Variants in ANK3 observed in about 807,000 individuals in gnomAD.
ANK3 encodes ankyrin 3, also known as ankyrin-3.
Under a neutral mutation model 370.9 loss-of-function variants are expected in ANK3, and 57 were observed. That is an observed-to-expected ratio of 0.15 (90% CI 0.12 to 0.19). The LOEUF (loss-of-function observed/expected upper bound fraction) is 0.19. ANK3 is among the 10% of genes least tolerant of loss of function. The probability of loss-of-function intolerance (pLI) is 1.00; values close to 1 mark genes in which losing one functional copy is unlikely to be tolerated. For missense variants in ANK3, 4,439 were observed against 5,302.1 expected, an observed-to-expected ratio of 0.84 and a Z score of 5.06; for synonymous variants, 1,929 against 1,946.3, an observed-to-expected ratio of 0.99 and a Z score of 0.23.
At chr10:60,254,837 G>A (rs1371896444) in intron 7 of ANK3, among the ~76,000 whole-genome samples, 1 of 152,242 alleles carries the variant, frequency 6.6e-6, no homozygotes, top group African/African-American at 2.4e-5. Context: ...AAGCAGGTTT[G>A]TATAGGTGCT....
intron 7 of ANK3, among the ~76,000 whole-genome samples, chr10:60,254,024 G>A (rs1274415955): frequency 6.6e-6 from 1 of 152,026 alleles, no homozygotes; most frequent in Non-Finnish European, 1.5e-5. Context: ...ATGGGGATTG[G>A]TTACAAGACT....
At chr10:60,111,901 G>A in intron 26 of ANK3, 1 of 398,274 alleles carries the variant, frequency 2.5e-6, no homozygotes, top group Non-Finnish European at 4.9e-6. Context: ...TGGCATTTGT[G>A]GGACAACCTA....
At chr10:60,435,207 T>G (rs2064126922) in intron 2 of ANK3, among the ~76,000 whole-genome samples, 1 of 152,262 alleles carries the variant, frequency 6.6e-6, no homozygotes, top group Admixed American at 6.5e-5. Context: ...CTGTTTTCCT[T>G]TGTTGGTCAT....
At chr10:60,478,567 A>T (rs1462843441) in intron 2 of ANK3, among the ~76,000 whole-genome samples, 1 of 152,108 alleles carries the variant, frequency 6.6e-6, no homozygotes, top group Non-Finnish European at 1.5e-5. Context: ...TATTGCTGAG[A>T]ACAAAGAAAT....
At chr10:60,474,506 A>G (rs1268848024) in intron 2 of ANK3, among the ~76,000 whole-genome samples, 6 of 152,208 alleles carry the variant, frequency 3.9e-5, no homozygotes, top group Non-Finnish European at 7.4e-5. Context: ...TCAAAGGAAA[A>G]ACAAATTTCC....
At position 60,070,981 on chromosome 10, in the gene ANK3, AATG is replaced by A. The variant is rs2082572280; in HGVS notation, c.9897_9899del (p.Ile3300del). On this transcript the variant is annotated inframe_deletion, in exon 37 of 44. Transcript: ENST00000280772. This position sits in a 1 kb window ranked among gnomAD's most constrained non-coding sequence, Gnocchi z 5.7. ...GAACTGGTGAAGGTGGCTGCACTCT[AATG>A]ACAGGTTCAGCCAGCTGGTACTTGT... 9.9e-6 allele frequency: 16 copies of A among 1,614,124 alleles called. No individual in the cohort carries two copies. Among genetic ancestry groups the A allele is most frequent in the Non-Finnish European group, 1.4e-5 (16 of 1,180,010 alleles).
intron 23 of ANK3, among the ~76,000 whole-genome samples, chr10:60,165,756 A>G (rs956791487): frequency 2.2e-4 from 34 of 152,218 alleles, no homozygotes; most frequent in Non-Finnish European, 1.5e-5. Flanking sequence ...GACAGGTGGC[A>G]AATGGAGGTC....
At chr10:60,570,517 A>G (rs941004821) in intron 2 of ANK3, among the ~76,000 whole-genome samples, 5 of 152,166 alleles carry the variant, frequency 3.3e-5, no homozygotes, top group Non-Finnish European at 5.9e-5. Flanking sequence ...TAATTCAGGG[A>G]CTGGTAAAAA....
chr10:60,087,172 C>A (rs914917303), intron 29 of ANK3, among the ~76,000 whole-genome samples: 1 of 152,128 alleles, frequency 6.6e-6, no homozygotes, highest in African/African-American at 2.4e-5. Context: ...ATAGAAGTTT[C>A]TTAGTCTAGT....
intron 32 of ANK3, 134 bp from the exon 33 acceptor site, chr10:60,083,751 T>A: frequency 1.4e-6 from 1 of 707,366 alleles, no homozygotes; most frequent in Non-Finnish European, 2.3e-6. Flanking sequence ...ACTTCTGTGG[T>A]GCTATTTGCA....
At chr10:60,144,972 G>A (rs531937664) in intron 23 of ANK3, among the ~76,000 whole-genome samples, 11 of 152,086 alleles carry the variant, frequency 7.2e-5, no homozygotes, top group Non-Finnish European at 1.2e-4. Context: ...TCCCCCACCC[G>A]ATGTACTTTT....
intron 1 of ANK3, among the ~76,000 whole-genome samples, chr10:60,315,528 A>G (rs2047228172): frequency 6.6e-6 from 1 of 152,200 alleles, no homozygotes; most frequent in African/African-American, 2.4e-5. Context: ...AGAATCACTG[A>G]TTCTGCCAAA....
intron 2 of ANK3, among the ~76,000 whole-genome samples, chr10:60,477,516 T>TACACACACACAC (rs761752696): frequency 4.1e-5 from 5 of 122,604 alleles, no homozygotes; most frequent in Admixed American, 1.7e-4. Flanking sequence ...CAGACAGACA[T>TACACACACACAC]ACACACACAC....
intron 43 of ANK3, among the ~76,000 whole-genome samples, chr10:60,037,683 C>T (rs2075336371): frequency 6.6e-6 from 1 of 152,136 alleles, no homozygotes; most frequent in African/African-American, 2.4e-5. Context: ...TTTTCTTTAT[C>T]CAGTCTACCA....
chr10:60,038,705 T>G (rs1564545575), intron 43 of ANK3, among the ~76,000 whole-genome samples: 1 of 149,800 alleles, frequency 6.7e-6, no homozygotes, highest in African/African-American at 2.5e-5. Flanking sequence ...GTGTGTGTGT[T>G]TTAATGTTAT....
intron 2 of ANK3, among the ~76,000 whole-genome samples, chr10:60,500,952 T>C (rs981377312): frequency 2.0e-5 from 3 of 152,212 alleles, no homozygotes; most frequent in African/African-American, 4.8e-5. Context: ...AAGTGCTATC[T>C]ACCTTGAGAT....
At chr10:60,498,872 A>C (rs2075726250) in intron 2 of ANK3, among the ~76,000 whole-genome samples, 1 of 152,234 alleles carries the variant, frequency 6.6e-6, no homozygotes, top group Admixed American at 6.5e-5. Flanking sequence ...CAATCAATAT[A>C]CCTATGTTAA....
At chr10:60,614,096 C>T (rs930857617) in intron 2 of ANK3, among the ~76,000 whole-genome samples, 1 of 151,866 alleles carries the variant, frequency 6.6e-6, no homozygotes, top group Non-Finnish European at 1.5e-5. Flanking sequence ...TTCAAGTGTA[C>T]CACAGAATTG....
chr10:60,265,999 C>A (rs2097871973), intron 5 of ANK3, among the ~76,000 whole-genome samples: 1 of 152,122 alleles, frequency 6.6e-6, no homozygotes, highest in Non-Finnish European at 1.5e-5. Flanking sequence ...ATCCCCTCTA[C>A]CCTCCATGCT....
Sources: allele counts gnomAD v4.1 joint callset (sites outside exome capture counted in the v4.1 genomes callset), GRCh38; gene constraint gnomAD v4.1.1; non-coding constraint Gnocchi (gnomAD v3.1); transcripts MANE v1.5; gene names NCBI Gene and HGNC (gene_info 2026-07-23, HGNC 2026-07-21).